DCPH1: variants seen among roughly 807,000 people sequenced by gnomAD.
DCPH1 encodes damage-control phosphatase 1.
the DCPH1 span, chr6:151,464,640 C>T: frequency 6.5e-7 from 1 of 1,546,380 alleles, no homozygotes; most frequent in Non-Finnish European, 8.8e-7. Context: ...CATTAATCTT[C>T]TGAGTATGTT....
At chr6:151,465,049 G>A in the DCPH1 span, among the ~76,000 whole-genome samples, 1 of 152,200 alleles carries the variant, frequency 6.6e-6, no homozygotes, top group African/African-American at 2.4e-5. Flanking sequence ...TGTGTACTGT[G>A]TAATTTGATG....
chr6:151,461,436 T>C, the DCPH1 span, among the ~76,000 whole-genome samples: 29 of 152,180 alleles, frequency 1.9e-4, no homozygotes, highest in Non-Finnish European at 4.0e-4. Flanking sequence ...TTTGGGAGCC[T>C]GAGGCAGGTG....
At chr6:151,454,353 G>A in the DCPH1 span, among the ~76,000 whole-genome samples, 6 of 152,222 alleles carry the variant, frequency 3.9e-5, no homozygotes, top group African/African-American at 1.4e-4. Context: ...CACCAAGACA[G>A]TTTGGCTTCC....
chr6:151,461,751 T>C, the DCPH1 span, among the ~76,000 whole-genome samples: 1 of 152,200 alleles, frequency 6.6e-6, no homozygotes, highest in South Asian at 2.1e-4. Context: ...GGGGCCTGGG[T>C]ATCAGTTTTT....
the DCPH1 span, among the ~76,000 whole-genome samples, chr6:151,461,225 A>C: frequency 1.3e-5 from 2 of 152,162 alleles, no homozygotes; most frequent in Non-Finnish European, 1.5e-5. Context: ...GGGTTGGTGG[A>C]GTTTGTGTGT....
At chr6:151,469,927 G>A in the DCPH1 span, 1 of 152,082 alleles carries the variant, frequency 6.6e-6, no homozygotes, top group African/African-American at 2.4e-5. Context: ...CATTGAATTT[G>A]GAGTACTACC....
the DCPH1 span, among the ~76,000 whole-genome samples, chr6:151,455,841 G>A: frequency 3.3e-5 from 5 of 152,390 alleles, no homozygotes; most frequent in Admixed American, 6.5e-5. Context: ...AGAAACCTTG[G>A]ACAATACCTG....
At chr6:151,461,346 C>T in the DCPH1 span, among the ~76,000 whole-genome samples, 4 of 152,002 alleles carry the variant, frequency 2.6e-5, 1 homozygote, top group South Asian at 8.3e-4. Context: ...ATTTATGACC[C>T]AGTTGGGGAA....
the DCPH1 span, among the ~76,000 whole-genome samples, chr6:151,464,134 TCTTGAAATTTATCTTTCTC>T: frequency 6.6e-6 from 1 of 152,238 alleles, no homozygotes; most frequent in Non-Finnish European, 1.5e-5. Context: ...AAAGCAGTTG[TCTTGAAATTTATCTTTCTC>T]CTTCTTGTGC....
chr6:151,465,220 C>A, the DCPH1 span, among the ~76,000 whole-genome samples: 1 of 152,146 alleles, frequency 6.6e-6, no homozygotes, highest in Non-Finnish European at 1.5e-5. Context: ...GTTTTTAATT[C>A]ATGCAAACAT....
chr6:151,453,940 CAGT>C, the DCPH1 span, among the ~76,000 whole-genome samples: 6 of 152,090 alleles, frequency 3.9e-5, no homozygotes, highest in Non-Finnish European at 8.8e-5. Context: ...TGGGAAGAGA[CAGT>C]AGCACGCCTT....
the DCPH1 span, among the ~76,000 whole-genome samples, chr6:151,467,611 C>T: frequency 6.6e-6 from 1 of 151,934 alleles, no homozygotes; most frequent in African/African-American, 2.4e-5. Context: ...CCTTAGAGAG[C>T]TTAAGTAATT....
the DCPH1 span, among the ~76,000 whole-genome samples, chr6:151,465,552 G>A: frequency 0.012 from 1,822 of 152,270 alleles, 25 homozygotes; most frequent in African/African-American, 0.042. Context: ...AGGTAGCGGG[G>A]TGGAAGGGAC....
chr6:151,461,226 G>C, the DCPH1 span, among the ~76,000 whole-genome samples: 4 of 152,226 alleles, frequency 2.6e-5, no homozygotes. Flanking sequence ...GGTTGGTGGA[G>C]TTTGTGTGTT....
At chr6:151,452,546 A>G in the DCPH1 span, 5 of 1,611,444 alleles carry the variant, frequency 3.1e-6, no homozygotes, top group Non-Finnish European at 4.2e-6. Flanking sequence ...GCGGAAAGTG[A>G]TGGCTGTCGT....
the DCPH1 span, among the ~76,000 whole-genome samples, chr6:151,464,207 T>C: frequency 6.6e-6 from 1 of 152,230 alleles, no homozygotes; most frequent in African/African-American, 2.4e-5. Flanking sequence ...ATAGTCACTA[T>C]CACTATTTAA....
chr6:151,468,236 G>A, the DCPH1 span: 2 of 695,192 alleles, frequency 2.9e-6, no homozygotes, highest in Non-Finnish European at 4.8e-6. Flanking sequence ...AAAGAGTTTT[G>A]TAGATATTTA....
the DCPH1 span, chr6:151,458,592 C>G: frequency 6.4e-7 from 1 of 1,553,512 alleles, no homozygotes; most frequent in Non-Finnish European, 8.7e-7. Context: ...TAATCATCAA[C>G]TATCAAATGT....
chr6:151,460,802 C>A, the DCPH1 span, among the ~76,000 whole-genome samples: 1 of 151,248 alleles, frequency 6.6e-6, no homozygotes, highest in Non-Finnish European at 1.5e-5. Context: ...AACAAAAAAA[C>A]AACAAAAAAA....
Sources: gnomAD v4.1 joint callset for allele counts (sites outside exome capture counted in the v4.1 genomes callset) on GRCh38, gnomAD v4.1.1 for gene constraint, MANE v1.5 for transcripts, NCBI Gene and HGNC (gene_info 2026-07-23, HGNC 2026-07-21) for gene names.